The following TENM3 variants were observed in gnomAD, a reference collection of about 807,000 sequenced individuals.
TENM3 encodes teneurin transmembrane protein 3.
In TENM3, 63 loss-of-function variants were observed where a neutral mutation model predicts 255.1. That is an observed-to-expected ratio of 0.25 (90% CI 0.20 to 0.30). The LOEUF (loss-of-function observed/expected upper bound fraction) is 0.30, where lower values mean the gene tolerates loss of function less well. TENM3 is among the 10% of genes least tolerant of loss of function. TENM3 has a pLI of 1.00. For synonymous variants in TENM3, 1,306 were observed against 1,322.3 expected (o/e 0.99, Z 0.27); for missense variants, 2,929 against 3,461.1 (o/e 0.85, Z 3.86).
intron 22 of TENM3, among the ~76,000 whole-genome samples, chr4:182,767,380 T>C (rs377172007): frequency 6.6e-6 from 1 of 152,176 alleles, no homozygotes; most frequent in African/African-American, 2.4e-5. Context: ...TTAGTAGTTG[T>C]GTTCCACTTC....
chr4:182,206,827 G>T (rs1754613939), intron 1 of TENM3, among the ~76,000 whole-genome samples: 1 of 152,170 alleles, frequency 6.6e-6, no homozygotes, highest in Non-Finnish European at 1.5e-5. Flanking sequence ...TCTAGCCAGA[G>T]AATTTGGCAT....
chr4:182,267,527 C>T (rs1759318607), intron 1 of TENM3, among the ~76,000 whole-genome samples: 1 of 152,050 alleles, frequency 6.6e-6, no homozygotes, highest in South Asian at 2.1e-4. Context: ...GGGTTTCTAG[C>T]CTGTGGTAAG....
chr4:181,659,784 C>T, the TENM3 span, among the ~76,000 whole-genome samples: 1 of 152,166 alleles, frequency 6.6e-6, no homozygotes, highest in Non-Finnish European at 1.5e-5. Context: ...CACAACTAAA[C>T]AATGGTGTGT....
chr4:181,655,698 T>A, the TENM3 span, among the ~76,000 whole-genome samples: 270 of 152,054 alleles, frequency 1.8e-3, 1 homozygote, highest in African/African-American at 6.0e-3. Context: ...ACCTGAAGGG[T>A]ATAATGGAGT....
chr4:182,702,617 T>C (rs115192585), intron 12 of TENM3, among the ~76,000 whole-genome samples: 2,526 of 152,268 alleles, frequency 0.017, 79 homozygotes, highest in African/African-American at 0.058. Context: ...AGGTAGAAGC[T>C]AGTAAAATCT....
chr4:182,161,835 A>ATGTGTACATATG (rs1751315112), intron 1 of TENM3, among the ~76,000 whole-genome samples: 1 of 39,388 alleles, frequency 2.5e-5, no homozygotes, highest in Non-Finnish European at 5.9e-5. Flanking sequence ...ACACATATAT[A>ATGTGTACATATG]TGTGTATATA....
At chr4:182,560,204 A>G (rs995308064) in intron 3 of TENM3, among the ~76,000 whole-genome samples, 1 of 152,098 alleles carries the variant, frequency 6.6e-6, no homozygotes, top group Non-Finnish European at 1.5e-5. Flanking sequence ...TTGAAACTGC[A>G]AAAGTAGTTT....
At chr4:182,294,490 G>A (rs1761341931) in intron 1 of TENM3, among the ~76,000 whole-genome samples, 1 of 152,130 alleles carries the variant, frequency 6.6e-6, no homozygotes, top group Admixed American at 6.5e-5. Flanking sequence ...AATTGACATG[G>A]GGAAAAAGTT....
chr4:181,497,870 T>C, the TENM3 span, among the ~76,000 whole-genome samples: 2 of 152,150 alleles, frequency 1.3e-5, no homozygotes, highest in Non-Finnish European at 1.5e-5. Context: ...GGTATTCCAC[T>C]AAAAAGAAAA....
the TENM3 span, among the ~76,000 whole-genome samples, chr4:181,718,049 C>T: frequency 2.0e-5 from 3 of 151,024 alleles, no homozygotes; most frequent in Non-Finnish European, 4.4e-5. Flanking sequence ...GTGCATTCGA[C>T]ATAATATTGT....
chr4:181,960,904 A>G, the TENM3 span, among the ~76,000 whole-genome samples: 4 of 152,122 alleles, frequency 2.6e-5, no homozygotes, highest in African/African-American at 9.7e-5. Context: ...AACTCTGGTC[A>G]TATAGAATAC....
At chr4:181,558,159 A>T in the TENM3 span, among the ~76,000 whole-genome samples, 25 of 152,358 alleles carry the variant, frequency 1.6e-4, no homozygotes, top group African/African-American at 5.8e-4. Context: ...GAGAAAATCT[A>T]TATGGAAGAT....
intron 5 of TENM3, among the ~76,000 whole-genome samples, chr4:182,632,223 C>T (rs1253975514): frequency 6.6e-6 from 1 of 152,028 alleles, no homozygotes; most frequent in African/African-American, 2.4e-5. Context: ...TAACTAGTTC[C>T]CCAAAATACA....
intron 3 of TENM3, among the ~76,000 whole-genome samples, chr4:182,479,417 A>G (rs1222787828): frequency 1.3e-4 from 20 of 151,920 alleles, no homozygotes; most frequent in Admixed American, 1.2e-3. Flanking sequence ...TATTTATTAT[A>G]GTCAGCCCAT....
At chr4:182,481,929 G>C (rs970719971) in intron 3 of TENM3, among the ~76,000 whole-genome samples, 11 of 151,996 alleles carry the variant, frequency 7.2e-5, no homozygotes, top group African/African-American at 2.7e-4. Flanking sequence ...TTTCATTTCT[G>C]GTTATTGTAA....
intron 1 of TENM3, among the ~76,000 whole-genome samples, chr4:182,314,363 C>G (rs1762630200): frequency 6.6e-6 from 1 of 151,524 alleles, no homozygotes; most frequent in African/African-American, 2.4e-5. Flanking sequence ...TTGCTTCTTA[C>G]AATGTCATGT....
intron 12 of TENM3, among the ~76,000 whole-genome samples, chr4:182,695,057 G>C (rs1757296049): frequency 6.6e-6 from 1 of 152,140 alleles, no homozygotes; most frequent in African/African-American, 2.4e-5. Flanking sequence ...AAAACAATAT[G>C]TAATTCTAAA....
chr4:182,081,188 A>G, the TENM3 span, among the ~76,000 whole-genome samples: 2 of 152,238 alleles, frequency 1.3e-5, no homozygotes, highest in African/African-American at 4.8e-5. Flanking sequence ...ATATTAGTTA[A>G]TCTTATGATT....
the TENM3 span, among the ~76,000 whole-genome samples, chr4:181,727,674 T>C: frequency 6.6e-6 from 1 of 152,232 alleles, no homozygotes; most frequent in South Asian, 2.1e-4. Context: ...ACTACAATAC[T>C]TTCAAATATG....
Sources: gnomAD v4.1 joint callset for allele counts (sites outside exome capture counted in the v4.1 genomes callset) on GRCh38, gnomAD v4.1.1 for gene constraint, MANE v1.5 for transcripts, NCBI Gene and HGNC (gene_info 2026-07-23, HGNC 2026-07-21) for gene names.